Variants in CCDC148 observed in about 807,000 individuals in gnomAD.
CCDC148 encodes the protein coiled-coil domain containing 148, also known as coiled-coil domain-containing protein 148.
CCDC148 carries 89 observed loss-of-function variants against 85.7 expected under a neutral mutation model. The ratio of observed to expected loss-of-function variants is 1.04; its 90% CI spans 0.87 to 1.24. The LOEUF is 1.24. Ranked by LOEUF, CCDC148 falls within the 50% of genes most tolerant of loss-of-function variation. The pLI is 0.00. For missense variants in CCDC148, 692 were observed against 671.7 expected (o/e 1.03, Z -0.33); for synonymous variants, 230 against 213.9 (o/e 1.08, Z -0.66).
At chr2:158,187,340 T>C (rs1242197371) in intron 11 of CCDC148, among the ~76,000 whole-genome samples, 3 of 152,032 alleles carry the variant, frequency 2.0e-5, no homozygotes, top group Non-Finnish European at 4.4e-5. Flanking sequence ...ATGGTTCTCT[T>C]TCCTCTACGT....
chr2:158,316,973 A>G (rs1010190885), intron 7 of CCDC148, among the ~76,000 whole-genome samples: 3 of 152,196 alleles, frequency 2.0e-5, no homozygotes, highest in Non-Finnish European at 4.4e-5. Flanking sequence ...TCTTTTTTGT[A>G]TAGAAAAATC....
intron 2 of CCDC148, among the ~76,000 whole-genome samples, chr2:158,348,371 A>C (rs1488304638): frequency 6.6e-6 from 1 of 152,036 alleles, no homozygotes; most frequent in African/African-American, 2.4e-5. Context: ...TCAGACTATA[A>C]GACAAACAAT....
chr2:158,335,180 C>T (rs958468930), intron 7 of CCDC148, among the ~76,000 whole-genome samples: 4 of 152,174 alleles, frequency 2.6e-5, no homozygotes, highest in African/African-American at 9.6e-5. Flanking sequence ...TTCCTTCGGT[C>T]ACCAGATGAC....
Position 158,281,445 on chromosome 2 carries a change from A to C in CCDC148, c.1110+27988T>G, listed in dbSNP as rs374589929. On this transcript the variant is annotated intron_variant, in intron 9 of 13. Coordinates refer to ENST00000283233, the MANE Select transcript of CCDC148 (RefSeq NM_138803.4). ...CGCAATAAAAAATGATAAAGGGGAT[A>C]TCACCACCGATCCCACAGAAATACA... 7.2e-5 allele frequency among the ~76,000 whole-genome samples: 11 copies of C among 152,244 alleles called. No individual in the cohort carries two copies. In the South Asian group the frequency reaches 1.7e-3, roughly 23 times the overall value.
chr2:158,388,421 A>C (rs945428878), intron 1 of CCDC148, among the ~76,000 whole-genome samples: 3 of 152,122 alleles, frequency 2.0e-5, no homozygotes, highest in African/African-American at 7.2e-5. Flanking sequence ...TGGGATTCCA[A>C]ACCCAGCTCT....
chr2:158,266,942 A>ATG lies in CCDC148; in HGVS notation c.1111-16032_1111-16031dup, dbSNP rs1379956771. Among the ~76,000 whole-genome samples, 12 of 150,404 alleles carry ATG rather than the reference A, an allele frequency of 8.0e-5. No homozygotes were observed. In the East Asian group the frequency reaches 9.7e-4, roughly 12 times the overall value. On this transcript the variant is annotated intron_variant, in intron 9 of 13. Coordinates refer to ENST00000283233, the MANE Select transcript of CCDC148 (RefSeq NM_138803.4). ...TATACATATATATGCACACATATAT[A>ATG]TGTGTGTGTGTATATATATATATAC...
chr2:158,449,819 G>T (rs1373539291), intron 1 of CCDC148, among the ~76,000 whole-genome samples: 1 of 152,180 alleles, frequency 6.6e-6, no homozygotes, highest in Admixed American at 6.5e-5. Flanking sequence ...CTCAGATTTA[G>T]AAGGAAAGCA....
At chr2:158,200,221 A>AT (rs562174187) in intron 11 of CCDC148, among the ~76,000 whole-genome samples, 59 of 152,232 alleles carry the variant, frequency 3.9e-4, no homozygotes, top group Admixed American at 3.7e-3. Context: ...GAACAGACCC[A>AT]TTTTTTCCCA....
At chr2:158,233,830 G>A (rs1687969922) in intron 10 of CCDC148, among the ~76,000 whole-genome samples, 1 of 152,052 alleles carries the variant, frequency 6.6e-6, no homozygotes, top group African/African-American at 2.4e-5. Context: ...TAGTTTGATG[G>A]TATAGAGATC....
intron 9 of CCDC148, among the ~76,000 whole-genome samples, chr2:158,254,923 C>T (rs973981812): frequency 6.7e-6 from 1 of 150,232 alleles, no homozygotes; most frequent in Non-Finnish European, 1.5e-5. Context: ...CCAGTTTACT[C>T]ACCAATTTAT....
intron 1 of CCDC148, among the ~76,000 whole-genome samples, chr2:158,417,172 T>A (rs1262684639): frequency 6.6e-6 from 1 of 152,214 alleles, no homozygotes; most frequent in African/African-American, 2.4e-5. Flanking sequence ...AACATGAGAT[T>A]TGGGCAGGGA....
At chr2:158,237,121 G>A (rs1688142703) in intron 10 of CCDC148, among the ~76,000 whole-genome samples, 1 of 152,180 alleles carries the variant, frequency 6.6e-6, no homozygotes, top group African/African-American at 2.4e-5. Context: ...AGGCTGAGAG[G>A]ACATATGCTC....
chr2:158,452,524 T>A (rs1223520528), intron 1 of CCDC148, among the ~76,000 whole-genome samples: 1 of 152,220 alleles, frequency 6.6e-6, no homozygotes, highest in Admixed American at 6.5e-5. Context: ...TATGCCAAAA[T>A]GGCACATTTT....
At chr2:158,452,968 A>G (rs1688464697) in intron 1 of CCDC148, among the ~76,000 whole-genome samples, 2 of 152,360 alleles carry the variant, frequency 1.3e-5, no homozygotes, top group African/African-American at 4.8e-5. Flanking sequence ...CAAAACCTCT[A>G]TTCTGCTCTA....
chr2:158,426,992 G>A (rs997542976), intron 1 of CCDC148, among the ~76,000 whole-genome samples: 15 of 152,106 alleles, frequency 9.9e-5, no homozygotes, highest in African/African-American at 2.9e-4. Context: ...AAGTTCAAAC[G>A]TATAATTAAG....
At chr2:158,412,297 A>C (rs1574774934) in intron 1 of CCDC148, among the ~76,000 whole-genome samples, 2 of 152,260 alleles carry the variant, frequency 1.3e-5, no homozygotes, top group African/African-American at 4.8e-5. Context: ...GTAGCTTTTA[A>C]ATTGTACTCT....
intron 9 of CCDC148, among the ~76,000 whole-genome samples, chr2:158,260,760 T>C (rs548128238): frequency 6.6e-6 from 1 of 152,044 alleles, no homozygotes; most frequent in East Asian, 1.9e-4. Context: ...GCAATCTGAT[T>C]CACAATTGTC....
chr2:158,273,544 A>G (rs543136090), intron 9 of CCDC148, among the ~76,000 whole-genome samples: 17 of 152,164 alleles, frequency 1.1e-4, no homozygotes, highest in Admixed American at 1.0e-3. Flanking sequence ...ATCTCCTACT[A>G]TGCATCCACT....
At chr2:158,305,514 C>G (rs375922867) in intron 9 of CCDC148, among the ~76,000 whole-genome samples, 2 of 151,988 alleles carry the variant, frequency 1.3e-5, no homozygotes, top group African/African-American at 2.4e-5. Context: ...GGGAAGCCAA[C>G]GCAGGAAGAT....
Sources: gnomAD v4.1 joint callset for allele counts (sites outside exome capture counted in the v4.1 genomes callset) on GRCh38, gnomAD v4.1.1 for gene constraint, MANE v1.5 for transcripts, NCBI Gene and HGNC (gene_info 2026-07-23, HGNC 2026-07-21) for gene names.